YPEL1: variants seen among roughly 807,000 people sequenced by gnomAD.
YPEL1 encodes protein yippee-like 1.
YPEL1 carries 7 observed loss-of-function variants against 17.3 expected under a neutral mutation model. That is an observed-to-expected ratio of 0.40 (90% confidence interval 0.23 to 0.76). YPEL1 has a LOEUF of 0.76. Ranked by LOEUF, YPEL1 falls within the 30% of genes least tolerant of loss-of-function variation. The pLI, the probability that YPEL1 is intolerant of heterozygous loss-of-function variation, is 0.35. For missense variants in YPEL1, 91 were observed against 155.5 expected (o/e 0.59, Z 2.21); for synonymous variants, 59 against 59.6 (o/e 0.99, Z 0.05).
intron 1 of YPEL1, among the ~76,000 whole-genome samples, chr22:21,725,101 C>G (rs967985029): frequency 6.6e-6 from 1 of 150,978 alleles, no homozygotes; most frequent in Non-Finnish European, 1.5e-5. Context: ...TAAAGATGGG[C>G]TTTCACCATG....
chr22:21,712,229 C>A (rs1245059140), intron 1 of YPEL1, among the ~76,000 whole-genome samples: 1 of 151,944 alleles, frequency 6.6e-6, no homozygotes. Flanking sequence ...ACAGAGGCAA[C>A]CCAGAGAATG....
chr22:21,728,474 C>T (rs184102242), intron 1 of YPEL1, among the ~76,000 whole-genome samples: 67 of 152,256 alleles, frequency 4.4e-4, no homozygotes, highest in East Asian at 3.1e-3. Context: ...AAGAATCGCA[C>T]GATTAACAGC....
At chr22:21,711,126 C>G (rs373678185) in intron 1 of YPEL1, among the ~76,000 whole-genome samples, 9 of 151,618 alleles carry the variant, frequency 5.9e-5, no homozygotes, top group South Asian at 2.1e-4. Context: ...TGGGTTCAAG[C>G]GATTCTTCTA....
intron 4 of YPEL1, 63 bp from the exon 5 acceptor site, chr22:21,701,281 T>C: frequency 7.3e-7 from 1 of 1,374,194 alleles, no homozygotes; most frequent in Non-Finnish European, 1.0e-6. Context: ...TCATCACTCT[T>C]TTGGCAAAAA....
intron 1 of YPEL1, among the ~76,000 whole-genome samples, chr22:21,724,572 C>T (rs73149919): frequency 7.4e-5 from 10 of 134,604 alleles, no homozygotes; most frequent in Non-Finnish European, 8.1e-5. Flanking sequence ...AAATTTTTTT[C>T]TTTTTTTTTT....
chr22:21,715,489 T>C (rs2068212161), intron 1 of YPEL1, among the ~76,000 whole-genome samples: 1 of 151,596 alleles, frequency 6.6e-6, no homozygotes, highest in African/African-American at 2.4e-5. Context: ...TGAGACTCCA[T>C]CTCAAGAAAA....
chr22:21,727,375 T>C (rs9619490), intron 1 of YPEL1, among the ~76,000 whole-genome samples: 1,665 of 152,298 alleles, frequency 0.011, 34 homozygotes, highest in African/African-American at 0.038. Context: ...ACAAGATCTA[T>C]TGGCAAATAA....
chr22:21,708,588 TCTTGGC>T (rs2068135295), intron 2 of YPEL1, among the ~76,000 whole-genome samples: 1 of 150,974 alleles, frequency 6.6e-6, no homozygotes, highest in Admixed American at 6.6e-5. Context: ...GATCCACCCA[TCTTGGC>T]CTTCCAAAGT....
chr22:21,729,418 C>T (rs918467461), intron 1 of YPEL1, among the ~76,000 whole-genome samples: 1 of 149,546 alleles, frequency 6.7e-6, no homozygotes, highest in African/African-American at 2.5e-5. Flanking sequence ...ATCAGCCTGG[C>T]CAACACAGCA....
At chr22:21,708,326 TCTGC>T (rs2068132523) in intron 2 of YPEL1, among the ~76,000 whole-genome samples, 2 of 148,150 alleles carry the variant, frequency 1.3e-5, no homozygotes, top group African/African-American at 5.0e-5. Context: ...TGAGCAGGCT[TCTGC>T]CTTTTTTTTT....
In YPEL1 at chr22:21,703,712, G is replaced by A. The variant is rs2068088024; in HGVS notation, c.161+127C>T. The A allele has an allele frequency of 5.4e-6, 6 of 1,108,380 alleles. No homozygotes were observed. The highest frequency in any genetic ancestry group is 2.6e-5 in the East Asian group (1 of 38,750). The allele number at this position is 1,108,380 out of a possible 1,614,324, so 68.7% of individuals were successfully genotyped here. On this transcript the variant is annotated intron_variant, in intron 3 of 4. Transcript: ENST00000339468. The surrounding 1 kb of genome is among the most constrained non-coding windows in gnomAD (Gnocchi z 6.1). Reference sequence around the variant, plus strand: ...TTAGCGCGTTTCAGAAACTCCCGGCGGGGGGATGGTGGGTTCTTTCAGGAC... The same window carrying A: ...TTAGCGCGTTTCAGAAACTCCCGGCAGGGGGATGGTGGGTTCTTTCAGGAC...
Position 21,699,607 on chromosome 22 carries a change from C to G in YPEL1, c.*1522G>C, listed in dbSNP as rs2068043941. The G allele has an allele frequency of 6.6e-6, 1 of 152,668 alleles. No homozygotes were observed. The highest frequency in any genetic ancestry group is 1.5e-5 in the Non-Finnish European group (1 of 68,048). 9.5% of individuals were successfully genotyped at this position (152,668 alleles called of 1,614,324 possible). On this transcript the variant is annotated 3_prime_UTR_variant, in exon 5 of 5. Transcript: ENST00000339468. ...GGGACGGGCAACGCGTCTAGCAGGCCAGGCGTCTTCATGCACAAAGGCTAA... is the reference window on the plus strand; with the variant it reads ...GGGACGGGCAACGCGTCTAGCAGGCGAGGCGTCTTCATGCACAAAGGCTAA...
rs988863705 is a variant in YPEL1, at chr22:21,700,517, C to T, written c.*612G>A. On this transcript the variant is annotated 3_prime_UTR_variant, in exon 5 of 5. Transcript: ENST00000339468. ...GAGACGATGTCTCACTTTTGTCCCC[C>T]AGGCTGGAGTGCGATGGCATGATCT... 6.6e-6 allele frequency: 1 copy of T among 151,848 alleles called. No homozygotes were observed. The highest frequency in any genetic ancestry group is 2.4e-5 in the African/African-American group (1 of 41,318). 9.4% of individuals were successfully genotyped at this position (151,848 alleles called of 1,614,324 possible). A position where few individuals can be genotyped will look rare whatever the true frequency, so the allele number is the denominator to read the frequency against.
intron 1 of YPEL1, among the ~76,000 whole-genome samples, chr22:21,715,154 C>T (rs547999811): frequency 1.9e-4 from 29 of 152,100 alleles, no homozygotes; most frequent in African/African-American, 7.0e-4. Flanking sequence ...TGTACATGTG[C>T]ATTAATGGGT....
At chr22:21,708,656 T>C (rs904892800) in intron 2 of YPEL1, among the ~76,000 whole-genome samples, 34 of 122,460 alleles carry the variant, frequency 2.8e-4, no homozygotes, top group Admixed American at 2.0e-4. Flanking sequence ...CTATTCTTGA[T>C]ACAATTTTTT....
Position 21,698,697 on chromosome 22 carries a change from C to T in YPEL1, c.*2432G>A, listed in dbSNP as rs2068029842. 1 of 152,412 alleles carries T rather than the reference C, an allele frequency of 6.6e-6. No individual in the cohort carries two copies. The highest frequency in any genetic ancestry group is 1.5e-5 in the Non-Finnish European group (1 of 68,060). The allele number at this position is 152,412 out of a possible 1,614,324, so 9.4% of individuals were successfully genotyped here. ...CTCTTCACAGTCTCAAGACAATTGA[C>T]TGAAGCCACAGGCATTGCTAACTTC... On this transcript the variant is annotated 3_prime_UTR_variant, in exon 5 of 5. Coordinates refer to ENST00000339468, the MANE Select transcript of YPEL1 (RefSeq NM_013313.5).
chr22:21,706,883 AT>A (rs1474853894), intron 2 of YPEL1, among the ~76,000 whole-genome samples: 20 of 152,192 alleles, frequency 1.3e-4, no homozygotes, highest in African/African-American at 4.1e-4. Flanking sequence ...AAAAATAGTC[AT>A]AAAAGTCATA....
chr22:21,715,904 A>G (rs757488617), intron 1 of YPEL1, among the ~76,000 whole-genome samples: 1 of 151,998 alleles, frequency 6.6e-6, no homozygotes, highest in Non-Finnish European at 1.5e-5. Context: ...CTGGGATTAC[A>G]GGCATGCGCC....
At chr22:21,731,759 G>A (rs2068389424) in intron 1 of YPEL1, among the ~76,000 whole-genome samples, 1 of 152,192 alleles carries the variant, frequency 6.6e-6, no homozygotes, top group African/African-American at 2.4e-5. Flanking sequence ...GATGCAAAAT[G>A]TGCCACGTGT....
Sources: allele counts gnomAD v4.1 joint callset (sites outside exome capture counted in the v4.1 genomes callset), GRCh38; gene constraint gnomAD v4.1.1; non-coding constraint Gnocchi (gnomAD v3.1); transcripts MANE v1.5; gene names NCBI Gene and HGNC (gene_info 2026-07-23, HGNC 2026-07-21).